EGFR: variants seen among roughly 807,000 people sequenced by gnomAD.
The protein encoded by EGFR is epidermal growth factor receptor, also known as avian erythroblastic leukemia viral (v-erb-b) oncogene homolog.
EGFR carries 58 observed loss-of-function variants against 143.0 expected under a neutral mutation model. That is an observed-to-expected ratio of 0.41 (90% confidence interval 0.33 to 0.50). The LOEUF (loss-of-function observed/expected upper bound fraction) is 0.50. Ranked by LOEUF, EGFR falls within the 20% of genes least tolerant of loss-of-function variation. The probability of loss-of-function intolerance (pLI) is 0.39; values close to 1 mark genes in which losing one functional copy is unlikely to be tolerated. For missense variants in EGFR, 1,307 were observed against 1,579.0 expected (o/e 0.83, Z 2.92); for synonymous variants, 613 against 594.4 (o/e 1.03, Z -0.45).
At chr7:55,096,668 G>A (rs1791490221) in intron 1 of EGFR, among the ~76,000 whole-genome samples, 1 of 152,170 alleles carries the variant, frequency 6.6e-6, no homozygotes, top group Admixed American at 6.5e-5. Flanking sequence ...CTGCCGCACG[G>A]CCACTTTTAT....
At position 55,165,435 on chromosome 7, in the gene EGFR, C is replaced by T. The variant is rs533525993; in HGVS notation, c.1878C>T (p.Tyr626=). The change falls in exon 15 of 28, where the codon TAC becomes TAT. Residue 626 remains tyrosine (Y), a splice_region_variant and synonymous_variant. Coordinates refer to ENST00000275493, the MANE Select transcript of EGFR (RefSeq NM_005228.5). ...ACCTGTGCCATCCAAACTGCACCTA[C>T]GGGTGAGTGGAAAGTGAAGGAGAAC... ...VCHLCHPNCT[Y]GCTGPGLEGC... is the part of the protein sequence containing the mutation. The T allele has an allele frequency of 1.1e-4, 185 of 1,610,036 alleles. No individual in the cohort carries two copies. In the Middle Eastern group the frequency reaches 2.2e-3, roughly 19 times the overall value.
At chr7:55,130,908 G>A (rs969637167) in intron 1 of EGFR, among the ~76,000 whole-genome samples, 8 of 152,206 alleles carry the variant, frequency 5.3e-5, no homozygotes, top group African/African-American at 1.4e-4. Flanking sequence ...CAGCTTCCCC[G>A]CTCCATGGTG....
At chr7:55,205,168 A>T (rs1562810298) in intron 27 of EGFR, 88 bp from the exon 28 acceptor site, 1 of 1,563,136 alleles carries the variant, frequency 6.4e-7, no homozygotes, top group Non-Finnish European at 8.6e-7. Flanking sequence ...CTCCTTGTTG[A>T]GGACATTCAC....
At chr7:55,164,631 A>G (rs1289857262) in intron 14 of EGFR, among the ~76,000 whole-genome samples, 1 of 152,218 alleles carries the variant, frequency 6.6e-6, no homozygotes, top group Non-Finnish European at 1.5e-5. Flanking sequence ...TTGAGTGGAC[A>G]AAACCAACAT....
At chr7:55,099,124 C>A (rs982500120) in intron 1 of EGFR, among the ~76,000 whole-genome samples, 1 of 152,218 alleles carries the variant, frequency 6.6e-6, no homozygotes, top group Non-Finnish European at 1.5e-5. Flanking sequence ...TCGTATCTCT[C>A]CTTTTCACAC....
chr7:55,133,138 C>T lies in EGFR; in HGVS notation c.89-9148C>T, dbSNP rs187315138. On this transcript the variant is annotated intron_variant, in intron 1 of 27. Coordinates refer to ENST00000275493, the MANE Select transcript of EGFR (RefSeq NM_005228.5). ...AAGGTGTGTGGACTGGGTGAGACAG[C>T]GCCCAGCGAGGTGAACTCCCGGCAG... is the stretch of plus-strand genomic sequence containing the variant. 1.6e-3 allele frequency among the ~76,000 whole-genome samples: 240 copies of T among 152,336 alleles called. 1 individual carries two copies. Among genetic ancestry groups the T allele is most frequent in the African/African-American group, 5.4e-3 (223 of 41,574 alleles).
chr7:55,144,890 C>T (rs764140950), intron 3 of EGFR, among the ~76,000 whole-genome samples: 2 of 152,170 alleles, frequency 1.3e-5, no homozygotes, highest in Non-Finnish European at 2.9e-5. Flanking sequence ...ATGTGGATGG[C>T]ATAGCTGCTA....
intron 1 of EGFR, among the ~76,000 whole-genome samples, chr7:55,132,191 G>C (rs1489803536): frequency 6.6e-6 from 1 of 152,024 alleles, no homozygotes; most frequent in Non-Finnish European, 1.5e-5. Flanking sequence ...AATTTTAAAA[G>C]AACATTTAAA....
chr7:55,036,447 T>C (rs1314132401), intron 1 of EGFR, among the ~76,000 whole-genome samples: 1 of 152,174 alleles, frequency 6.6e-6, no homozygotes, highest in African/African-American at 2.4e-5. Context: ...AATGTATTCA[T>C]TTCTTGAAAA....
At chr7:55,164,286 CT>C (rs2128945248) in intron 14 of EGFR, among the ~76,000 whole-genome samples, 1 of 152,258 alleles carries the variant, frequency 6.6e-6, no homozygotes, top group Non-Finnish European at 1.5e-5. Context: ...TTACAATAAT[CT>C]TTTAAAGAAT....
chr7:55,194,898 A>G (rs949807304), intron 22 of EGFR, among the ~76,000 whole-genome samples: 1 of 152,240 alleles, frequency 6.6e-6, no homozygotes, highest in Non-Finnish European at 1.5e-5. Flanking sequence ...TAAAAATCAT[A>G]TCCTGTTTTC....
chr7:55,203,037 A>C (rs1198947832), intron 27 of EGFR: 2 of 333,748 alleles, frequency 6.0e-6, no homozygotes, highest in East Asian at 9.3e-5. Context: ...TAACTAATTA[A>C]ATATTAGTTA....
chr7:55,194,375 C>T (rs1306401917), intron 22 of EGFR, among the ~76,000 whole-genome samples: 3 of 151,990 alleles, frequency 2.0e-5, no homozygotes, highest in Non-Finnish European at 4.4e-5. Flanking sequence ...TACAGGCGCA[C>T]ACCACCATGC....
At chr7:55,076,412 A>G (rs867396647) in intron 1 of EGFR, among the ~76,000 whole-genome samples, 1 of 152,080 alleles carries the variant, frequency 6.6e-6, no homozygotes, top group African/African-American at 2.4e-5. Context: ...CATTGGTTGG[A>G]AAAAAAATCC....
chr7:55,113,004 A>G (rs2128908808), intron 1 of EGFR, among the ~76,000 whole-genome samples: 1 of 152,320 alleles, frequency 6.6e-6, no homozygotes, highest in Admixed American at 6.5e-5. Flanking sequence ...GAGTGACCAT[A>G]TCATTTTCCC....
chr7:55,202,739 A>G (rs370386832), intron 27 of EGFR, 114 bp downstream of exon 27: 1 of 938,042 alleles, frequency 1.1e-6, no homozygotes, highest in African/African-American at 1.6e-5. Context: ...AGAGGGGGAA[A>G]CAGTGGCAGA....
intron 1 of EGFR, among the ~76,000 whole-genome samples, chr7:55,107,391 A>G (rs1041874232): frequency 1.4e-4 from 21 of 152,174 alleles, no homozygotes; most frequent in Admixed American, 7.9e-4. Context: ...ACAGAGACCT[A>G]TTGTTTTTCC....
At chr7:55,188,247 T>C (rs2128962292) in intron 20 of EGFR, among the ~76,000 whole-genome samples, 1 of 152,262 alleles carries the variant, frequency 6.6e-6, no homozygotes, top group East Asian at 1.9e-4. Context: ...CTCCATGAGC[T>C]CTTCCACAGG....
intron 19 of EGFR, among the ~76,000 whole-genome samples, chr7:55,175,037 G>A (rs1786537672): frequency 6.6e-6 from 1 of 152,198 alleles, no homozygotes; most frequent in Non-Finnish European, 1.5e-5. Context: ...CAAAAGGCTG[G>A]AAACAGGCAA....
Sources: gnomAD v4.1 joint callset for allele counts (sites outside exome capture counted in the v4.1 genomes callset) on GRCh38, gnomAD v4.1.1 for gene constraint, MANE v1.5 for transcripts, NCBI Gene and HGNC (gene_info 2026-07-23, HGNC 2026-07-21) for gene names.